The following OR5M1 variants were observed in gnomAD, a reference collection of about 807,000 sequenced individuals.
OR5M1 encodes olfactory receptor family 5 subfamily M member 1, also known as olfactory receptor 5M1.
For missense variants in OR5M1, 367 were observed against 379.5 expected (o/e 0.97, Z 0.27); for synonymous variants, 165 against 144.2 (o/e 1.14, Z -1.04).
At position 56,613,316 on chromosome 11, in the gene OR5M1, G is replaced by C. The variant is rs1853706039; in HGVS notation, c.187C>G (p.Leu63Val). ...ATGTCTACAAAGGAGAGGTGGCCAA[G>C]GAAGAAATACATGGGTGTTTGCAGG... ...SHLQTPMYFF[L>V]GHLSFVDICY... The change falls in exon 2 of 2, where the codon CTT becomes GTT. Residue 63 changes from leucine to valine, a missense_variant. Transcript: ENST00000641076. 6.2e-7 allele frequency: 1 copy of C among 1,613,724 alleles called. No individual in the cohort carries two copies. Among genetic ancestry groups the C allele is most frequent in the African/African-American group, 1.3e-5 (1 of 75,032 alleles).
chr11:56,612,596 G>A lies in OR5M1; in HGVS notation c.907C>T (p.Gln303Ter). Residue 303 changes from glutamine (Q) to a stop codon, truncating the protein, a stop_gained, in exon 2 of 2, where the codon CAA becomes TAA. Transcript: ENST00000641076. LOFTEE classifies it low-confidence loss of function (END_TRUNC). ...TGAAAGGATTTTCCCCTAATCATTTGTTGCATGGCAAGGATTACATCTGTG... is the reference window on the plus strand; with the variant it reads ...TGAAAGGATTTTCCCCTAATCATTTATTGCATGGCAAGGATTACATCTGTG... ...RNTDVILAMQ[Q>*]MIRGKSFHKI... is the part of the protein sequence containing the mutation. 1 of 1,606,150 alleles carries A rather than the reference G, an allele frequency of 6.2e-7. No homozygotes were observed. Among genetic ancestry groups the A allele is most frequent in the Non-Finnish European group, 8.5e-7 (1 of 1,178,118 alleles).
In OR5M1 at chr11:56,614,858, T is replaced by G. The variant is rs1590539913; in HGVS notation, c.-19A>C. On this transcript the variant is annotated splice_region_variant and 5_prime_UTR_variant, in exon 1 of 2. Coordinates refer to ENST00000641076, the MANE Select transcript of OR5M1 (RefSeq NM_001004740.2). The stretch of plus-strand genomic sequence containing the variant: ...GAACAAATGTAGAAAATGACCTACC[T>G]GTTAATGTTAATGGACCATATCTTA... 6.6e-6 allele frequency: 1 copy of G among 151,894 alleles called. No individual in the cohort carries two copies. The highest frequency in any genetic ancestry group is 1.5e-5 in the Non-Finnish European group (1 of 67,998). 9.4% of individuals were successfully genotyped at this position (151,894 alleles called of 1,614,324 possible).
Position 56,612,634 on chromosome 11 carries a change from T to C in OR5M1, c.869A>G (p.Tyr290Cys). 6.2e-6 allele frequency: 10 copies of C among 1,613,596 alleles called. No individual in the cohort carries two copies. The highest frequency in any genetic ancestry group is 8.5e-6 in the Non-Finnish European group (10 of 1,179,684). The change falls in exon 2 of 2, where the codon TAT becomes TGT. Residue 290 changes from tyrosine (Y) to cysteine (C), a missense_variant. Coordinates refer to ENST00000641076, the MANE Select transcript of OR5M1 (RefSeq NM_001004740.2). The stretch of plus-strand genomic sequence containing the variant: ...GATTACATCTGTGTTCCGTAGGCTA[T>C]AGATCAATGGGTTCAGCATTGGGCT... ...FLSPMLNPLI[Y>C]SLRNTDVILA...
In OR5M1 at chr11:56,609,350, G is replaced by A. The variant is rs1025221306; in HGVS notation, c.*3205C>T. The A allele has an allele frequency of 6.6e-6, 1 of 151,880 alleles. No homozygotes were observed. The highest frequency in any genetic ancestry group is 1.5e-5 in the Non-Finnish European group (1 of 67,820). The allele number at this position is 151,880 out of a possible 1,614,324, so 9.4% of individuals were successfully genotyped here. A position where few individuals can be genotyped will look rare whatever the true frequency, so the allele number is the denominator to read the frequency against. ...AAGAAATTATCAGCAATAGCATGAA[G>A]AGAAATTATCAACCTTATGTGTAGC... On this transcript the variant is annotated 3_prime_UTR_variant, in exon 2 of 2. Coordinates refer to ENST00000641076, the MANE Select transcript of OR5M1 (RefSeq NM_001004740.2).
rs781056347 is a variant in OR5M1 at position 56,611,481 on chromosome 11, G to C, written c.*1074C>G. 1 of 152,078 alleles carries C rather than the reference G, an allele frequency of 6.6e-6. No homozygotes were observed. The highest frequency in any genetic ancestry group is 1.5e-5 in the Non-Finnish European group (1 of 68,000). 9.4% of individuals were successfully genotyped at this position (152,078 alleles called of 1,614,324 possible). Reference sequence around the variant, plus strand: ...CTGTAGCATATTCTGTATGGTGTTAGTTAATATCAGAGTGCAAAATATTAA... The same window carrying C: ...CTGTAGCATATTCTGTATGGTGTTACTTAATATCAGAGTGCAAAATATTAA... On this transcript the variant is annotated 3_prime_UTR_variant, in exon 2 of 2. Coordinates refer to ENST00000641076, the MANE Select transcript of OR5M1 (RefSeq NM_001004740.2).
In OR5M1 at chr11:56,612,959, G is replaced by A. The variant is rs1478275218; in HGVS notation, c.544C>T (p.Pro182Ser). Residue 182 changes from proline (P) to serine (S), a missense_variant, in exon 2 of 2, where the codon CCT (proline) becomes TCT (serine). Pro to Ser is a moderately conservative substitution (Grantham distance 74, BLOSUM62 -1). Transcript: ENST00000641076. The stretch of plus-strand genomic sequence containing the variant: ...GAGCAGGCCAGCATGATAAGAGGAG[G>A]ATCAGCGCAGTAGAAATGATTGATT... ...LEINHFYCAD[P>S]PLIMLACSDT... 5 of 1,613,760 alleles carry A rather than the reference G, an allele frequency of 3.1e-6. No homozygotes were observed. Among genetic ancestry groups the A allele is most frequent in the Non-Finnish European group, 4.2e-6 (5 of 1,179,806 alleles).
intron 1 of OR5M1, among the ~76,000 whole-genome samples, chr11:56,614,091 T>A (rs899917866): frequency 2.0e-5 from 3 of 152,210 alleles, no homozygotes; most frequent in Non-Finnish European, 4.4e-5. Flanking sequence ...CTATCTGATA[T>A]ATGGCTAAGA....
chr11:56,612,755 A>G lies in OR5M1; in HGVS notation c.748T>C (p.Leu250=), dbSNP rs1853695133. The change falls in exon 2 of 2, where the codon TTG becomes CTG. Residue 250 remains leucine (L), a synonymous_variant. Coordinates refer to ENST00000641076, the MANE Select transcript of OR5M1 (RefSeq NM_001004740.2). ...ATGCAGAAGAGGGTTCCATAAAACA[A>G]AGTGACTATTGTCAGGTGGGAAGCA... The part of the protein sequence containing the change: ...TCASHLTIVT[L]FYGTLFCMYV... The G allele has an allele frequency of 6.2e-7, 1 of 1,613,636 alleles. No individual in the cohort carries two copies. The highest frequency in any genetic ancestry group is 8.5e-7 in the Non-Finnish European group (1 of 1,179,796).
In OR5M1 at chr11:56,612,729, C is replaced by T. The variant is rs772632008; in HGVS notation, c.774G>A (p.Met258Ile). The change falls in exon 2 of 2, where the codon ATG (methionine) becomes ATA (isoleucine). Residue 258 changes from methionine (M) to isoleucine (I), a missense_variant. Met to Ile is a conservative substitution (Grantham distance 10). Transcript: ENST00000641076. Reference protein sequence around the residue: ...VTLFYGTLFCMYVRPPSEKSV... With the variant: ...VTLFYGTLFCIYVRPPSEKSV... ...ACTTCTCTGATGGAGGCCTTACGTACATGCAGAAGAGGGTTCCATAAAACA... is the reference window on the plus strand; with the variant it reads ...ACTTCTCTGATGGAGGCCTTACGTATATGCAGAAGAGGGTTCCATAAAACA... 218 of 1,613,756 alleles carry T rather than the reference C, an allele frequency of 1.4e-4. 2 individuals carry two copies. The East Asian group carries it at 4.8e-3, about 35-fold the overall frequency.
chr11:56,613,132 A>C lies in OR5M1; in HGVS notation c.371T>G (p.Val124Gly), dbSNP rs186151755. 1,339 of 1,613,870 alleles carry C rather than the reference A, an allele frequency of 8.3e-4. 13 individuals are homozygous for C. The African/African-American group carries it at 0.016, about 20-fold the overall frequency. Residue 124 changes from valine (V) to glycine (G), a missense_variant, in exon 2 of 2, where the codon GTA becomes GGA. Physicochemically the swap from Val to Gly is moderately radical, Grantham distance 109 (BLOSUM62 -3). Transcript: ENST00000641076. ...GTAATGCAAAGGGCTGCAAATGGCT[A>C]CATAGCGATCCAATGCCATTGAAGC... ...ILASMALDRYVAICSPLHYSS... is the reference protein window; with the variant it reads ...ILASMALDRYGAICSPLHYSS...
At position 56,613,089 on chromosome 11, in the gene OR5M1, C is replaced by T; in HGVS notation, c.414G>A (p.Lys138=). Residue 138 remains lysine, a synonymous_variant, in exon 2 of 2, where the codon AAG becomes AAA. Coordinates refer to ENST00000641076, the MANE Select transcript of OR5M1 (RefSeq NM_001004740.2). ...TAGTGACCAGACAGACACAGATGTT[C>T]TTGGACATCCTGGAACTGTAATGCA... The part of the protein sequence containing the change: ...SPLHYSSRMS[K]NICVCLVTIP... 1 of 1,613,862 alleles carries T rather than the reference C, an allele frequency of 6.2e-7. No individual in the cohort carries two copies. Among genetic ancestry groups the T allele is most frequent in the Non-Finnish European group, 8.5e-7 (1 of 1,179,844 alleles).
In OR5M1 at chr11:56,611,434, G is replaced by A. The variant is rs955905513; in HGVS notation, c.*1121C>T. On this transcript the variant is annotated 3_prime_UTR_variant, in exon 2 of 2. Coordinates refer to ENST00000641076, the MANE Select transcript of OR5M1 (RefSeq NM_001004740.2). ...TGAACACTTTATAGTAGATATAGTA[G>A]TTGATATCATACAGACATTTTCTGT... 1.3e-5 allele frequency: 2 copies of A among 152,074 alleles called. No homozygotes were observed. The highest frequency in any genetic ancestry group is 2.9e-5 in the Non-Finnish European group (2 of 68,012). 9.4% of individuals were successfully genotyped at this position (152,074 alleles called of 1,614,324 possible). A position where few individuals can be genotyped will look rare whatever the true frequency, so the allele number is the denominator to read the frequency against.
rs1324849304 is a variant in OR5M1, at chr11:56,612,920, T to A, written c.583A>T (p.Lys195Ter). ...IMLACSDTRV[K>*]KMAMFVVAGF... ...GCAACTACAAACATTGCCATCTTTT[T>A]GACACGGGTGTCAGAGCAGGCCAGC... Residue 195 changes from lysine to a stop codon, truncating the protein, a stop_gained, in exon 2 of 2, where the codon AAA (lysine) becomes TAA (stop). Coordinates refer to ENST00000641076, the MANE Select transcript of OR5M1 (RefSeq NM_001004740.2). LOFTEE classifies it low-confidence loss of function (END_TRUNC). 1 of 1,613,748 alleles carries A rather than the reference T, an allele frequency of 6.2e-7. No individual in the cohort carries two copies. The highest frequency in any genetic ancestry group is 1.1e-5 in the South Asian group (1 of 91,082).
In OR5M1 at chr11:56,609,264, C is replaced by T. The variant is rs111480542; in HGVS notation, c.*3291G>A. ...TCAATTTTAGGATGAGGAAAACTTA[C>T]ATAACAGCAATAAGCAAAAGGTCAC... On this transcript the variant is annotated 3_prime_UTR_variant, in exon 2 of 2. Coordinates refer to ENST00000641076, the MANE Select transcript of OR5M1 (RefSeq NM_001004740.2). 57 of 151,910 alleles carry T rather than the reference C, an allele frequency of 3.8e-4. No individual in the cohort carries two copies. The highest frequency in any genetic ancestry group is 1.3e-3 in the African/African-American group (52 of 41,514). 9.4% of individuals were successfully genotyped at this position (151,910 alleles called of 1,614,324 possible).
chr11:56,613,062 G>C lies in OR5M1; in HGVS notation c.441C>G (p.Ile147Met), dbSNP rs1335849449. The C allele has an allele frequency of 6.2e-6, 10 of 1,608,922 alleles. No homozygotes were observed. Among genetic ancestry groups the C allele is most frequent in the Non-Finnish European group, 7.6e-6 (9 of 1,176,718 alleles). The change falls in exon 2 of 2, where the codon ATC becomes ATG. Residue 147 changes from isoleucine to methionine, a missense_variant. Coordinates refer to ENST00000641076, the MANE Select transcript of OR5M1 (RefSeq NM_001004740.2). ...SKNICVCLVT[I>M]PYMYGFLSGF... ...CACTAAGAAACCCATACATGTAAGG[G>C]ATAGTGACCAGACAGACACAGATGT...
intron 1 of OR5M1, 84 bp from the exon 2 acceptor site, chr11:56,613,603 T>C: frequency 9.3e-7 from 1 of 1,080,186 alleles, no homozygotes; most frequent in Non-Finnish European, 1.4e-6. Context: ...CTCATTCATC[T>C]ATTTATCTAG....
rs763734763 is a variant in OR5M1, at chr11:56,613,327, A to C, written c.176T>G (p.Met59Arg). 21 of 1,613,718 alleles carry C rather than the reference A, an allele frequency of 1.3e-5. No individual in the cohort carries two copies. Among genetic ancestry groups the C allele is most frequent in the Non-Finnish European group, 1.8e-5 (21 of 1,179,662 alleles). The change falls in exon 2 of 2, where the codon ATG becomes AGG. Residue 59 changes from methionine to arginine, a missense_variant. Physicochemically the swap from Met to Arg is moderately conservative, Grantham distance 91 (BLOSUM62 -1). Coordinates refer to ENST00000641076, the MANE Select transcript of OR5M1 (RefSeq NM_001004740.2). The stretch of plus-strand genomic sequence containing the variant: ...GGAGAGGTGGCCAAGGAAGAAATAC[A>C]TGGGTGTTTGCAGGTGGGAATTGGT... ...IRTNSHLQTP[M>R]YFFLGHLSFV...
rs1001260151 is a variant in OR5M1 at position 56,612,599 on chromosome 11, G to T, written c.904C>A (p.Gln302Lys). 4 of 1,606,336 alleles carry T rather than the reference G, an allele frequency of 2.5e-6. No individual in the cohort carries two copies. The African/African-American group carries it at 5.4e-5, about 22-fold the overall frequency. Reference sequence around the variant, plus strand: ...AAGGATTTTCCCCTAATCATTTGTTGCATGGCAAGGATTACATCTGTGTTC... The same window carrying T: ...AAGGATTTTCCCCTAATCATTTGTTTCATGGCAAGGATTACATCTGTGTTC... Reference protein sequence around the residue: ...LRNTDVILAMQQMIRGKSFHK... With the variant: ...LRNTDVILAMKQMIRGKSFHK... The change falls in exon 2 of 2, where the codon CAA (glutamine) becomes AAA (lysine). Residue 302 changes from glutamine (Q) to lysine (K), a missense_variant. Coordinates refer to ENST00000641076, the MANE Select transcript of OR5M1 (RefSeq NM_001004740.2).
Position 56,610,964 on chromosome 11 carries a change from C to A in OR5M1, c.*1591G>T, listed in dbSNP as rs1254530669. ...ATATAGAGTATTTTTTGCACTCATT[C>A]TAAAATCCAATTTTCAAATAGGGTT... On this transcript the variant is annotated 3_prime_UTR_variant, in exon 2 of 2. Transcript: ENST00000641076. 2.0e-5 allele frequency: 3 copies of A among 152,018 alleles called. No homozygotes were observed. The highest frequency in any genetic ancestry group is 2.9e-5 in the Non-Finnish European group (2 of 67,984). 9.4% of individuals were successfully genotyped at this position (152,018 alleles called of 1,614,324 possible). A position where few individuals can be genotyped will look rare whatever the true frequency, so the allele number is the denominator to read the frequency against.
Sources: allele counts gnomAD v4.1 joint callset (sites outside exome capture counted in the v4.1 genomes callset), GRCh38; gene constraint gnomAD v4.1.1; transcripts MANE v1.5; gene names NCBI Gene and HGNC (gene_info 2026-07-23, HGNC 2026-07-21).